Variants in UBR3 observed in about 807,000 individuals in gnomAD.
The protein encoded by UBR3 is ubiquitin protein ligase E3 component n-recognin 3.
In UBR3, 85 loss-of-function variants were observed where a neutral mutation model predicts 243.2. That is an observed-to-expected ratio of 0.35 (90% CI 0.29 to 0.42). The LOEUF is 0.42. Among genes scored for constraint, UBR3 ranks in the 10% least tolerant of loss-of-function variants. UBR3 has a pLI of 1.00. For missense variants in UBR3, 1,686 were observed against 2,300.8 expected (o/e 0.73, Z 5.47); for synonymous variants, 748 against 799.8 (o/e 0.94, Z 1.09).
intron 24 of UBR3, among the ~76,000 whole-genome samples, chr2:169,976,181 T>C (rs2088431644): frequency 6.6e-6 from 1 of 152,106 alleles, no homozygotes; most frequent in African/African-American, 2.4e-5. Context: ...CATTCAAGTT[T>C]ATTATTGATA....
chr2:169,867,149 C>A (rs1017252486), intron 1 of UBR3, among the ~76,000 whole-genome samples: 1 of 152,096 alleles, frequency 6.6e-6, no homozygotes, highest in African/African-American at 2.4e-5. Context: ...AAACATTATA[C>A]GTAGAATTAA....
At chr2:170,004,341 CACATTAG>C (rs1559177487) in intron 27 of UBR3, among the ~76,000 whole-genome samples, 1 of 152,148 alleles carries the variant, frequency 6.6e-6, no homozygotes. Flanking sequence ...AACAAAGTCT[CACATTAG>C]ACATTAGACA....
chr2:169,916,068 T>C lies in UBR3; in HGVS notation c.1866+1922T>C, dbSNP rs549839141. On this transcript the variant is annotated intron_variant, in intron 11 of 38. Coordinates refer to ENST00000272793, the MANE Select transcript of UBR3 (RefSeq NM_172070.4). The stretch of plus-strand genomic sequence containing the variant: ...GTTACTTTTAGTGTGGAACAGTATT[T>C]AGAAAAATCTAGGTGCTGCTTGTGC... Among the ~76,000 whole-genome samples the C allele has an allele frequency of 3.3e-5, 5 of 152,312 alleles. No homozygotes were observed. The South Asian group carries it at 1.0e-3, about 32-fold the overall frequency.
chr2:170,073,267 T>G (rs2091737865), intron 35 of UBR3, 161 bp from the exon 36 acceptor site: 2 of 702,544 alleles, frequency 2.8e-6, no homozygotes, highest in East Asian at 2.8e-5. Context: ...GCTAGGAACC[T>G]TTTTCTCTCT....
rs1160647024 is a variant in UBR3, at chr2:169,872,212, A to AT, written c.546-17dup. The AT allele has an allele frequency of 9.6e-6, 14 of 1,454,630 alleles. No homozygotes were observed. In the East Asian group the frequency reaches 1.8e-4, roughly 18 times the overall value. 90.1% of individuals were successfully genotyped at this position (1,454,630 alleles called of 1,614,324 possible). On this transcript the variant is annotated intron_variant, in intron 1 of 38. Transcript: ENST00000272793. ...TTTAGCTGATTAGACATTACTGTTA[A>AT]TTTTTTTCTTTTTCATATTACAGGT...
At chr2:169,866,225 C>T (rs1183172492) in intron 1 of UBR3, among the ~76,000 whole-genome samples, 2 of 137,542 alleles carry the variant, frequency 1.5e-5, no homozygotes, top group Non-Finnish European at 3.0e-5. Flanking sequence ...TTGATTTTCT[C>T]CAGCCTGGGC....
In UBR3 at chr2:169,928,764, C is replaced by T. The variant is rs1329696482; in HGVS notation, c.2462C>T (p.Pro821Leu). The T allele has an allele frequency of 2.0e-6, 3 of 1,502,350 alleles. No individual in the cohort carries two copies. The highest frequency in any genetic ancestry group is 1.7e-4 in the Middle Eastern group (1 of 5,794). The allele number at this position is 1,502,350 out of a possible 1,614,324, so 93.1% of individuals were successfully genotyped here. Reference protein sequence around the residue: ...ENPNPKSGIIPGSYSFESVLS... With the variant: ...ENPNPKSGIILGSYSFESVLS... Reference sequence around the variant, plus strand: ...CCTAATCCCAAAAGTGGCATTATTCCAGGCAGTTACAGCTTTGAATCAGTT... The same window carrying T: ...CCTAATCCCAAAAGTGGCATTATTCTAGGCAGTTACAGCTTTGAATCAGTT... Residue 821 changes from proline to leucine, a missense_variant, in exon 18 of 39, where the codon CCA becomes CTA. Around this residue, in one of 8 missense-constraint regions of UBR3, gnomAD observed 346 missense variants for 585.8 expected, o/e 0.59. Coordinates refer to ENST00000272793, the MANE Select transcript of UBR3 (RefSeq NM_172070.4).
chr2:170,020,828 A>G (rs1270889139), intron 30 of UBR3, among the ~76,000 whole-genome samples: 3 of 152,174 alleles, frequency 2.0e-5, no homozygotes, highest in Admixed American at 1.3e-4. Context: ...CTTCATTTTA[A>G]ATAGTGCATA....
chr2:169,940,454 G>T (rs536098570), intron 19 of UBR3, among the ~76,000 whole-genome samples: 2 of 152,132 alleles, frequency 1.3e-5, no homozygotes. Context: ...TATTTGCTAT[G>T]TGACAAGTGA....
intron 29 of UBR3, chr2:170,014,971 G>GT (rs5836256): frequency 7.8e-3 from 1,297 of 166,486 alleles, no homozygotes; most frequent in Middle Eastern, 0.011. Flanking sequence ...ATATGTTGCA[G>GT]TTTTTTTTTT....
intron 11 of UBR3, among the ~76,000 whole-genome samples, chr2:169,918,441 T>C (rs1425317957): frequency 2.0e-5 from 3 of 151,692 alleles, no homozygotes; most frequent in African/African-American, 4.8e-5. Context: ...TCCTTGTGGG[T>C]GGATGTCAGA....
intron 5 of UBR3, among the ~76,000 whole-genome samples, chr2:169,879,614 C>A (rs2141801): frequency 0.98 from 148,757 of 152,278 alleles, 72,741 homozygotes; most frequent in East Asian, 1. Flanking sequence ...TTCATGTCTA[C>A]ATTTCCTTAT....
intron 1 of UBR3, among the ~76,000 whole-genome samples, chr2:169,841,625 G>A (rs554906941): frequency 7.5e-4 from 115 of 152,324 alleles, no homozygotes; most frequent in Admixed American, 3.5e-3. Flanking sequence ...CCTGCACTCG[G>A]AGCAGCCAGC....
At chr2:169,956,732 C>T (rs2087316039) in intron 23 of UBR3, among the ~76,000 whole-genome samples, 1 of 152,082 alleles carries the variant, frequency 6.6e-6, no homozygotes, top group South Asian at 2.1e-4. Flanking sequence ...TGATTATCCC[C>T]ACTAATTTCA....
Position 169,928,812 on chromosome 2 carries a change from A to G in UBR3, c.2510A>G (p.Lys837Arg). The change falls in exon 18 of 39, where the codon AAG (lysine) becomes AGG (arginine). Residue 837 changes from lysine to arginine, a missense_variant. Physicochemically the swap from Lys to Arg is conservative, Grantham distance 26. This residue lies in a region of UBR3 where 346 missense variants were observed against 585.8 expected (regional missense o/e 0.59). Coordinates refer to ENST00000272793, the MANE Select transcript of UBR3 (RefSeq NM_172070.4). The stretch of plus-strand genomic sequence containing the variant: ...GTTTTATCAGCTGTAGCTGATTTTA[A>G]GGCTCCTGTTTTTGAACCTGGAGGT... Reference protein sequence around the residue: ...ESVLSAVADFKAPVFEPGGSM... With the variant: ...ESVLSAVADFRAPVFEPGGSM... 2 of 1,511,812 alleles carry G rather than the reference A, an allele frequency of 1.3e-6. No homozygotes were observed. The highest frequency in any genetic ancestry group is 1.4e-5 in the African/African-American group (1 of 72,838). 93.6% of individuals were successfully genotyped at this position (1,511,812 alleles called of 1,614,324 possible). A position where few individuals can be genotyped will look rare whatever the true frequency, so the allele number is the denominator to read the frequency against.
intron 6 of UBR3, among the ~76,000 whole-genome samples, 159 bp from the exon 7 acceptor site, chr2:169,895,022 G>A (rs1054464903): frequency 6.6e-6 from 1 of 151,938 alleles, no homozygotes; most frequent in African/African-American, 2.4e-5. Context: ...TATATACTGT[G>A]TACATTATAG....
chr2:169,861,128 AC>A (rs2083073412), intron 1 of UBR3, among the ~76,000 whole-genome samples: 1 of 152,162 alleles, frequency 6.6e-6, no homozygotes, highest in South Asian at 2.1e-4. Flanking sequence ...GATGGTGTCC[AC>A]CCAGAATGAG....
At chr2:170,079,790 G>A (rs757731595) in intron 36 of UBR3, 24 bp from the exon 37 acceptor site, 1 of 1,579,754 alleles carries the variant, frequency 6.3e-7, no homozygotes, top group Non-Finnish European at 8.6e-7. Context: ...TAAAACTAAT[G>A]AATATTTTTG....
At chr2:169,885,197 TGTA>T (rs2084041797) in intron 5 of UBR3, among the ~76,000 whole-genome samples, 1 of 152,216 alleles carries the variant, frequency 6.6e-6, no homozygotes, top group African/African-American at 2.4e-5. Context: ...ATTTTATTGT[TGTA>T]ATTTAAGATA....
Sources: allele counts gnomAD v4.1 joint callset (sites outside exome capture counted in the v4.1 genomes callset), GRCh38; gene constraint gnomAD v4.1.1; regional missense constraint gnomAD v4.1.1; transcripts MANE v1.5; gene names NCBI Gene and HGNC (gene_info 2026-07-23, HGNC 2026-07-21).